Variants in SDC4 observed in about 807,000 individuals in gnomAD.
SDC4 encodes the protein syndecan-4.
A neutral mutation model predicts 20.5 loss-of-function variants in SDC4; 17 were observed. The observed-to-expected ratio is 0.83, with a 90% CI of 0.57 to 1.25. The LOEUF (loss-of-function observed/expected upper bound fraction) is 1.25, where lower values mean the gene tolerates loss of function less well. SDC4 is among the 50% of genes most tolerant of loss of function. The probability of loss-of-function intolerance (pLI) is 0.00; values close to 1 mark genes in which losing one functional copy is unlikely to be tolerated. For synonymous variants in SDC4, 107 were observed against 105.3 expected, an observed-to-expected ratio of 1.02 and a Z score of -0.10; for missense variants, 241 against 252.3, an observed-to-expected ratio of 0.96 and a Z score of 0.30.
intron 1 of SDC4, among the ~76,000 whole-genome samples, chr20:45,339,325 T>C (rs1355126238): frequency 6.6e-6 from 1 of 152,252 alleles, no homozygotes; most frequent in Non-Finnish European, 1.5e-5. Flanking sequence ...GAATGTGGTC[T>C]GTTCTCCTCA....
chr20:45,342,184 G>C (rs2145716382), intron 1 of SDC4, among the ~76,000 whole-genome samples: 1 of 152,304 alleles, frequency 6.6e-6, no homozygotes, highest in South Asian at 2.1e-4. Context: ...GCAGAGTAGA[G>C]AGCCCACGCT....
chr20:45,344,451 C>G (rs140334296), intron 1 of SDC4, among the ~76,000 whole-genome samples: 124 of 152,300 alleles, frequency 8.1e-4, no homozygotes, highest in African/African-American at 2.9e-3. Context: ...ACTCACAGCG[C>G]TCGGTCCAGC....
At position 45,348,351 on chromosome 20, in the gene SDC4, A is replaced by G. The variant is rs2228384; in HGVS notation, c.34T>C (p.Phe12Leu). 0.36 allele frequency: 565,990 copies of G among 1,590,600 alleles called. 103,465 individuals carry two copies. The highest frequency in any genetic ancestry group is 0.47 in the East Asian group (20,435 of 43,644). ...APARLFALLL[F>L]FVGGVAESIR... ...GACTCGGCGACTCCGCCTACGAAGA[A>G]CAGCAGCAGCGCGAACAGACGGGCG... Residue 12 changes from phenylalanine (F) to leucine (L), a missense_variant, in exon 1 of 5, where the codon TTC becomes CTC. By Grantham distance (22) the Phe-to-Leu change is conservative. Coordinates refer to ENST00000372733, the MANE Select transcript of SDC4 (RefSeq NM_002999.4).
Position 45,333,007 on chromosome 20 carries a change from G to A in SDC4, c.246+16C>T. The A allele has an allele frequency of 6.2e-7, 1 of 1,613,170 alleles. No individual in the cohort carries two copies. The highest frequency in any genetic ancestry group is 8.5e-7 in the Non-Finnish European group (1 of 1,179,056). Reference sequence around the variant, plus strand: ...GAGGAGCAAAGTGGAAGAGGCAGAAGCATGTAGCTACTTACCAAGGGATGG... The same window carrying A: ...GAGGAGCAAAGTGGAAGAGGCAGAAACATGTAGCTACTTACCAAGGGATGG... On this transcript the variant is annotated intron_variant, in intron 3 of 4. Transcript: ENST00000372733.
At chr20:45,339,041 C>T (rs1022338271) in intron 1 of SDC4, among the ~76,000 whole-genome samples, 1 of 152,180 alleles carries the variant, frequency 6.6e-6, no homozygotes, top group African/African-American at 2.4e-5. Context: ...GTTTTGGTCC[C>T]TTCTCCACCC....
At chr20:45,341,841 GGAT>G (rs1413527813) in intron 1 of SDC4, among the ~76,000 whole-genome samples, 7 of 152,184 alleles carry the variant, frequency 4.6e-5, no homozygotes, top group African/African-American at 7.2e-5. Context: ...AGGAGCCTCT[GGAT>G]GTCTCCCTGC....
At chr20:45,336,471 C>A (rs961252979) in intron 1 of SDC4, among the ~76,000 whole-genome samples, 1 of 152,130 alleles carries the variant, frequency 6.6e-6, no homozygotes, top group Non-Finnish European at 1.5e-5. Context: ...GGCTAGATAT[C>A]CTTTACCGAG....
chr20:45,339,796 G>A (rs560242815), intron 1 of SDC4, among the ~76,000 whole-genome samples: 1 of 152,296 alleles, frequency 6.6e-6, no homozygotes, highest in South Asian at 2.1e-4. Context: ...CTGGCCCTGT[G>A]GCTGGTGGGG....
intron 1 of SDC4, among the ~76,000 whole-genome samples, chr20:45,339,632 C>T (rs571566037): frequency 3.9e-5 from 6 of 152,138 alleles, no homozygotes; most frequent in African/African-American, 9.7e-5. Context: ...CCCAGCTACT[C>T]GGGAGGCTGA....
At chr20:45,335,470 C>T (rs1987847669) in intron 2 of SDC4, among the ~76,000 whole-genome samples, 1 of 151,918 alleles carries the variant, frequency 6.6e-6, no homozygotes, top group African/African-American at 2.4e-5. Context: ...TGCCACCCAT[C>T]CTACCCTCAC....
chr20:45,330,558 G>A lies in SDC4; in HGVS notation c.253C>T (p.Leu85=). The change falls in exon 4 of 5, where the codon CTA becomes TTA. Residue 85 remains leucine (L), a synonymous_variant. Coordinates refer to ENST00000372733, the MANE Select transcript of SDC4 (RefSeq NM_002999.4). The stretch of plus-strand genomic sequence containing the variant: ...GCCCTCTCAGGGATATGGTTATCTA[G>A]AGGCACCTGGATGGGCGGAAAGGAG... The part of the protein sequence containing the change: ...GPEVVHPLVP[L]DNHIPERAGS... 1.2e-6 allele frequency: 2 copies of A among 1,614,040 alleles called. No individual in the cohort carries two copies. The highest frequency in any genetic ancestry group is 1.7e-6 in the Non-Finnish European group (2 of 1,179,958).
intron 2 of SDC4, among the ~76,000 whole-genome samples, chr20:45,333,829 AAT>A (rs941528053): frequency 3.9e-5 from 6 of 152,166 alleles, no homozygotes; most frequent in African/African-American, 1.4e-4. Flanking sequence ...ATTTATTTTC[AAT>A]AGTCTCTTAC....
intron 1 of SDC4, among the ~76,000 whole-genome samples, chr20:45,342,577 G>T (rs1029918696): frequency 6.6e-6 from 1 of 152,114 alleles, no homozygotes; most frequent in African/African-American, 2.4e-5. Flanking sequence ...CCGAGCTCCC[G>T]GGCCTGGAGG....
intron 1 of SDC4, among the ~76,000 whole-genome samples, chr20:45,347,944 G>C (rs973502464): frequency 6.6e-6 from 1 of 152,030 alleles, no homozygotes; most frequent in Non-Finnish European, 1.5e-5. Context: ...TCCTAAAGCT[G>C]TCTGCTCTGG....
At position 45,333,057 on chromosome 20, in the gene SDC4, T is replaced by C. The variant is rs201259508; in HGVS notation, c.212A>G (p.Asp71Gly). ...SGSGDLDDLE[D>G]SMIGPEVVHP... is the part of the protein sequence containing the mutation. ...GACAACTTCAGGGCCGATCATGGAG[T>C]CTTCCAAGTCATCTGTAAGGTCAGA... The change falls in exon 3 of 5, where the codon GAC becomes GGC. Residue 71 changes from aspartate (D) to glycine (G), a missense_variant. Asp to Gly is a moderately conservative substitution (Grantham distance 94). Transcript: ENST00000372733. 27 of 1,613,932 alleles carry C rather than the reference T, an allele frequency of 1.7e-5. No homozygotes were observed. In the East Asian group the frequency reaches 5.3e-4, roughly 32 times the overall value.
intron 1 of SDC4, among the ~76,000 whole-genome samples, chr20:45,342,244 C>A (rs1432301396): frequency 1.3e-5 from 2 of 152,188 alleles, no homozygotes; most frequent in Non-Finnish European, 2.9e-5. Flanking sequence ...GGCTTCCTGC[C>A]TCTTCCCAGC....
intron 2 of SDC4, among the ~76,000 whole-genome samples, chr20:45,333,945 TA>T (rs201883299): frequency 0.015 from 1,604 of 110,258 alleles, 35 homozygotes; most frequent in African/African-American, 0.043. Context: ...ATTCATTGGT[TA>T]AAAAAAAAAG....
chr20:45,337,114 C>T (rs145962930), intron 1 of SDC4, among the ~76,000 whole-genome samples: 19 of 152,216 alleles, frequency 1.2e-4, no homozygotes, highest in Non-Finnish European at 2.1e-4. Context: ...TTACCCTGCT[C>T]CCATCCTGTA....
intron 1 of SDC4, among the ~76,000 whole-genome samples, chr20:45,347,704 C>T (rs1171769008): frequency 6.6e-6 from 1 of 152,184 alleles, no homozygotes; most frequent in Non-Finnish European, 1.5e-5. Context: ...TCTAGAAACC[C>T]TAACGCAGTG....
Sources: gnomAD v4.1 joint callset for allele counts (sites outside exome capture counted in the v4.1 genomes callset) on GRCh38, gnomAD v4.1.1 for gene constraint, MANE v1.5 for transcripts, NCBI Gene and HGNC (gene_info 2026-07-23, HGNC 2026-07-21) for gene names.